Variants in MYEF2 observed in about 807,000 individuals in gnomAD.
MYEF2 encodes the protein myelin gene expression factor 2.
Under a neutral mutation model 75.2 loss-of-function variants are expected in MYEF2, and 37 were observed. The observed-to-expected ratio is 0.49, with a 90% CI of 0.38 to 0.65. The LOEUF (loss-of-function observed/expected upper bound fraction) is 0.65, where lower values mean the gene tolerates loss of function less well. MYEF2 is among the 30% of genes least tolerant of loss of function. The pLI is 0.00. For synonymous variants in MYEF2, 195 were observed against 241.6 expected (o/e 0.81, Z 1.79); for missense variants, 634 against 771.4 (o/e 0.82, Z 2.11).
At chr15:48,151,635 G>A in intron 12 of MYEF2, 64 bp from the exon 13 acceptor site, 4 of 1,434,446 alleles carry the variant, frequency 2.8e-6, no homozygotes, top group South Asian at 2.5e-5. Context: ...AAACATTCAG[G>A]AATGTATCTA....
In MYEF2 at chr15:48,141,160, G is replaced by C; in HGVS notation, c.*1748C>G. 6.2e-7 allele frequency: 1 copy of C among 1,613,922 alleles called. No individual in the cohort carries two copies. The highest frequency in any genetic ancestry group is 2.2e-5 in the East Asian group (1 of 44,880). ...TACAGTAATGGGCCTTACTTTATTA[G>C]CAGCAGGAACAAGCATACCAGACAC... On this transcript the variant is annotated 3_prime_UTR_variant, in exon 17 of 17. Transcript: ENST00000324324.
rs371570782 is a variant in MYEF2, at chr15:48,142,569, T to C, written c.*339A>G. 4.2e-5 allele frequency: 20 copies of C among 473,076 alleles called. No individual in the cohort carries two copies. Among genetic ancestry groups the C allele is most frequent in the African/African-American group, 3.8e-4 (19 of 50,576 alleles). 29.3% of individuals were successfully genotyped at this position (473,076 alleles called of 1,614,324 possible). On this transcript the variant is annotated 3_prime_UTR_variant, in exon 17 of 17. Transcript: ENST00000324324. ...AACAGAAGTTTGGGGGGAAAAAATC[T>C]ATGTTTTACCATACAATAAGTTGAC...
intron 1 of MYEF2, among the ~76,000 whole-genome samples, chr15:48,175,798 CATTTTT>C (rs2040497305): frequency 6.6e-6 from 1 of 152,094 alleles, no homozygotes; most frequent in Non-Finnish European, 1.5e-5. Context: ...CCCTCCTATT[CATTTTT>C]AAGAAAAGGA....
Position 48,142,035 on chromosome 15 carries a change from G to C in MYEF2, c.*873C>G, listed in dbSNP as rs758699282. The C allele has an allele frequency of 1.2e-6, 2 of 1,606,308 alleles. No homozygotes were observed. The highest frequency in any genetic ancestry group is 1.3e-5 in the African/African-American group (1 of 74,504). On this transcript the variant is annotated 3_prime_UTR_variant, in exon 17 of 17. Transcript: ENST00000324324. ...GTATGCTTTTCTTTTGTAGGGAAAG[G>C]AGATATGGCTATGTCTAACATCGTG...
At position 48,158,790 on chromosome 15, in the gene MYEF2, T is replaced by C. The variant is rs1250299942; in HGVS notation, c.850A>G (p.Ile284Val). 3 of 1,613,572 alleles carry C rather than the reference T, an allele frequency of 1.9e-6. No homozygotes were observed. The highest frequency in any genetic ancestry group is 1.7e-5 in the Admixed American group (1 of 59,968). ...GMGTVTFEQAIEAVQAISMFN... is the reference protein window; with the variant it reads ...GMGTVTFEQAVEAVQAISMFN... ...ATACAAATTGCTTGAACTGCTTCAA[T>C]TGCTTGCTCAAAAGTGACAGTGCCC... The change falls in exon 7 of 17, where the codon ATT (isoleucine) becomes GTT (valine). Residue 284 changes from isoleucine (I) to valine (V), a missense_variant. Physicochemically the swap from Ile to Val is conservative, Grantham distance 29. Transcript: ENST00000324324.
At chr15:48,152,048 T>A (rs746037210) in intron 11 of MYEF2, 106 bp from the exon 12 acceptor site, 4 of 1,233,892 alleles carry the variant, frequency 3.2e-6, no homozygotes, top group Non-Finnish European at 1.2e-6. Context: ...CCACCCTACC[T>A]TGTGCAGCTA....
rs890158653 is a variant in MYEF2 at position 48,153,905 on chromosome 15, A to G, written c.986-12T>C. 1 of 1,605,592 alleles carries G rather than the reference A, an allele frequency of 6.2e-7. No homozygotes were observed. Among genetic ancestry groups the G allele is most frequent in the Admixed American group, 1.7e-5 (1 of 59,614 alleles). ...GCCTCCAAGACCACCTAAAACAAAAATGAGAACAATCATTACAAAGATCCA... is the reference window on the plus strand; with the variant it reads ...GCCTCCAAGACCACCTAAAACAAAAGTGAGAACAATCATTACAAAGATCCA... On this transcript the variant is annotated splice_polypyrimidine_tract_variant and intron_variant, in intron 9 of 16. Coordinates refer to ENST00000324324, the MANE Select transcript of MYEF2 (RefSeq NM_016132.5).
rs1172691253 is a variant in MYEF2, at chr15:48,139,161, T to C, written c.*3747A>G. 1 of 1,611,482 alleles carries C rather than the reference T, an allele frequency of 6.2e-7. No individual in the cohort carries two copies. Among genetic ancestry groups the C allele is most frequent in the South Asian group, 1.1e-5 (1 of 90,968 alleles). Reference sequence around the variant, plus strand: ...GCATTTACATATATCCTGGTTTGGATGGTCACAATAACTGGTATGTATTTT... The same window carrying C: ...GCATTTACATATATCCTGGTTTGGACGGTCACAATAACTGGTATGTATTTT... On this transcript the variant is annotated 3_prime_UTR_variant, in exon 17 of 17. Transcript: ENST00000324324.
At chr15:48,154,038 T>A in intron 9 of MYEF2, 145 bp from the exon 10 acceptor site, 3 of 591,970 alleles carry the variant, frequency 5.1e-6, no homozygotes, top group Non-Finnish European at 8.8e-6. Flanking sequence ...TTCTTGTTTT[T>A]GTCTAGAAAG....
rs758781529 is a variant in MYEF2, at chr15:48,168,818, T to C, written c.183A>G (p.Lys61=). 1.2e-5 allele frequency: 19 copies of C among 1,612,692 alleles called. No individual in the cohort carries two copies. The highest frequency in any genetic ancestry group is 2.7e-5 in the African/African-American group (2 of 74,964). ...GVKMENDESA[K]EEKSDLKEKS... is the part of the protein sequence containing the mutation. Reference sequence around the variant, plus strand: ...TTTCCTTTAAGTCAGATTTCTCTTCTTTTGCTGATTCATCATTCTCCCTGT... The same window carrying C: ...TTTCCTTTAAGTCAGATTTCTCTTCCTTTGCTGATTCATCATTCTCCCTGT... Residue 61 remains lysine, a synonymous_variant, in exon 2 of 17, where the codon AAA becomes AAG. Coordinates refer to ENST00000324324, the MANE Select transcript of MYEF2 (RefSeq NM_016132.5).
intron 16 of MYEF2, 44 bp from the exon 17 acceptor site, chr15:48,143,115 T>G: frequency 7.3e-7 from 1 of 1,367,282 alleles, no homozygotes; most frequent in Non-Finnish European, 9.6e-7. Flanking sequence ...TTTAAATAAG[T>G]TCTATTTCAC....
rs1002962422 is a variant in MYEF2, at chr15:48,139,539, A to G, written c.*3369T>C. 2 of 160,056 alleles carry G rather than the reference A, an allele frequency of 1.2e-5. No homozygotes were observed. Among genetic ancestry groups the G allele is most frequent in the African/African-American group, 4.8e-5 (2 of 41,660 alleles). 9.9% of individuals were successfully genotyped at this position (160,056 alleles called of 1,614,324 possible). On this transcript the variant is annotated 3_prime_UTR_variant, in exon 17 of 17. Transcript: ENST00000324324. ...TCCATAATAAAAAAAAAAAAGAACA[A>G]AAAAACAAAAACAAAGCAAGGAGCT...
Position 48,141,109 on chromosome 15 carries a change from A to T in MYEF2, c.*1799T>A, listed in dbSNP as rs76547866. On this transcript the variant is annotated 3_prime_UTR_variant, in exon 17 of 17. Transcript: ENST00000324324. ...TTGTAACTTGAAATATCTGTTTATT[A>T]CAGGGGAAACACTAGAAATTCCCGA... is the stretch of plus-strand genomic sequence containing the variant. The T allele has an allele frequency of 0.014, 23,115 of 1,606,334 alleles. 224 individuals are homozygous for T. The highest frequency in any genetic ancestry group is 0.018 in the Non-Finnish European group (21,155 of 1,173,302).
chr15:48,154,586 A>G (rs1283804132), intron 9 of MYEF2, among the ~76,000 whole-genome samples: 1 of 152,198 alleles, frequency 6.6e-6, no homozygotes, highest in African/African-American at 2.4e-5. Flanking sequence ...ACTTAATAGC[A>G]ACAGTGTAAA....
At chr15:48,166,578 C>T (rs1222575019) in intron 3 of MYEF2, among the ~76,000 whole-genome samples, 4 of 151,936 alleles carry the variant, frequency 2.6e-5, no homozygotes. Context: ...AACAAGTTCT[C>T]TATTAGATTA....
chr15:48,164,437 T>A (rs2040063164), intron 5 of MYEF2, among the ~76,000 whole-genome samples: 1 of 151,872 alleles, frequency 6.6e-6, no homozygotes, highest in Non-Finnish European at 1.5e-5. Context: ...TTTCTTGAGA[T>A]GGAATCTACA....
At chr15:48,155,341 A>C (rs1427403000) in intron 9 of MYEF2, among the ~76,000 whole-genome samples, 1 of 152,042 alleles carries the variant, frequency 6.6e-6, no homozygotes, top group Non-Finnish European at 1.5e-5. Context: ...CTAGGAAAAT[A>C]TATCAATTCT....
Position 48,134,893 on chromosome 15 carries a change from C to CT in MYEF2, c.*8014dup. 1 of 1,609,076 alleles carries CT rather than the reference C, an allele frequency of 6.2e-7. No individual in the cohort carries two copies. The highest frequency in any genetic ancestry group is 2.2e-5 in the East Asian group (1 of 44,806). ...ACTTACCATATTACAGGTCTCAACA[C>CT]TATCATGTTGGCCCCTATTCAGAGA... On this transcript the variant is annotated 3_prime_UTR_variant, in exon 17 of 17. Transcript: ENST00000324324.
intron 1 of MYEF2, among the ~76,000 whole-genome samples, chr15:48,177,798 G>A (rs1029609876): frequency 1.3e-5 from 2 of 152,202 alleles, no homozygotes; most frequent in Non-Finnish European, 2.9e-5. Flanking sequence ...CAAAGTCAGG[G>A]AAGAGGGGTG....
Sources: allele counts gnomAD v4.1 joint callset (sites outside exome capture counted in the v4.1 genomes callset), GRCh38; gene constraint gnomAD v4.1.1; transcripts MANE v1.5; gene names NCBI Gene and HGNC (gene_info 2026-07-23, HGNC 2026-07-21).